The following CNTN4 variants were observed in gnomAD, a reference collection of about 807,000 sequenced individuals.
CNTN4 encodes the protein contactin 4.
A neutral mutation model predicts 122.5 loss-of-function variants in CNTN4; 77 were observed. That is an observed-to-expected ratio of 0.63 (90% confidence interval 0.52 to 0.76). The LOEUF is 0.76. Among genes scored for constraint, CNTN4 ranks in the 30% least tolerant of loss-of-function variants. The probability of loss-of-function intolerance (pLI) is 0.00; values close to 1 mark genes in which losing one functional copy is unlikely to be tolerated. For missense variants in CNTN4, 1,256 were observed against 1,259.1 expected, an observed-to-expected ratio of 1.00 and a Z score of 0.04; for synonymous variants, 512 against 447.0, an observed-to-expected ratio of 1.15 and a Z score of -1.83.
chr3:3,009,559 G>C (rs929453336), intron 14 of CNTN4, among the ~76,000 whole-genome samples: 1 of 148,630 alleles, frequency 6.7e-6, no homozygotes, highest in South Asian at 2.2e-4. Context: ...TCAGCTTCCC[G>C]AGTAGCTGGG....
rs543462678 is a variant in CNTN4, at chr3:3,057,171, A to G, written c.*951A>G. 4.6e-5 allele frequency: 7 copies of G among 152,642 alleles called. No individual in the cohort carries two copies. In the South Asian group the frequency reaches 1.4e-3, roughly 32 times the overall value. 9.5% of individuals were successfully genotyped at this position (152,642 alleles called of 1,614,324 possible). ...AAAAAAAGTAATTCTCTGTCAATGG[A>G]TTCGTAATTTCTTTACAAAATTTCT... On this transcript the variant is annotated 3_prime_UTR_variant, in exon 25 of 25. Transcript: ENST00000418658.
intron 2 of CNTN4, among the ~76,000 whole-genome samples, chr3:2,213,598 A>C (rs2038713029): frequency 6.6e-6 from 1 of 152,196 alleles, no homozygotes; most frequent in Admixed American, 6.5e-5. Context: ...CAAATGTAGC[A>C]TATGCAGAGT....
chr3:2,407,281 A>T (rs540081665), intron 3 of CNTN4, among the ~76,000 whole-genome samples: 1 of 152,306 alleles, frequency 6.6e-6, no homozygotes, highest in Non-Finnish European at 1.5e-5. Flanking sequence ...GAGGGAAAAA[A>T]TTGAGATTAA....
In CNTN4 at chr3:2,903,474, T is replaced by C. The variant is rs1201503663; in HGVS notation, c.1207+469T>C. Among the ~76,000 whole-genome samples, 9 of 152,122 alleles carry C rather than the reference T, an allele frequency of 5.9e-5. No homozygotes were observed. In the South Asian group the frequency reaches 1.9e-3, roughly 32 times the overall value. ...ACTACATGTTTGATCGTGTGCCACT[T>C]CCTCCCTCCTCTTCAGCTGCATTGA... On this transcript the variant is annotated intron_variant, in intron 12 of 24. Transcript: ENST00000418658.
At chr3:2,714,185 CACA>C (rs1252745911) in intron 4 of CNTN4, among the ~76,000 whole-genome samples, 5 of 151,964 alleles carry the variant, frequency 3.3e-5, no homozygotes, top group African/African-American at 1.2e-4. Context: ...CTCTAAATTT[CACA>C]ACAATTTTTT....
intron 2 of CNTN4, among the ~76,000 whole-genome samples, chr3:2,330,582 A>G (rs2043676980): frequency 6.9e-6 from 1 of 144,472 alleles, no homozygotes; most frequent in Non-Finnish European, 1.5e-5. Flanking sequence ...TCACAGAGGA[A>G]AAGAGGGTCA....
At chr3:2,911,146 G>C (rs2094294841) in intron 12 of CNTN4, among the ~76,000 whole-genome samples, 1 of 152,044 alleles carries the variant, frequency 6.6e-6, no homozygotes, top group Non-Finnish European at 1.5e-5. Flanking sequence ...CGTTTTGCCT[G>C]AATCTAAGTG....
Position 2,727,972 on chromosome 3 carries a change from C to T in CNTN4, c.56-8243C>T, listed in dbSNP as rs573052002. Among the ~76,000 whole-genome samples the T allele has an allele frequency of 9.2e-5, 14 of 152,336 alleles. No homozygotes were observed. The South Asian group carries it at 2.3e-3, about 25-fold the overall frequency. ...CTCTAATATTTGCTTTGCCTCTGCTCTATTCAGCTGAACAACCAAATAGAA... is the reference window on the plus strand; with the variant it reads ...CTCTAATATTTGCTTTGCCTCTGCTTTATTCAGCTGAACAACCAAATAGAA... On this transcript the variant is annotated intron_variant, in intron 4 of 24. Transcript: ENST00000418658.
chr3:2,445,956 C>G (rs892083883), intron 3 of CNTN4, among the ~76,000 whole-genome samples: 3 of 152,072 alleles, frequency 2.0e-5, no homozygotes, highest in African/African-American at 4.8e-5. Flanking sequence ...GTGACTACAT[C>G]CTATTCTTTT....
At chr3:2,698,666 C>A (rs2086182977) in intron 4 of CNTN4, among the ~76,000 whole-genome samples, 1 of 152,140 alleles carries the variant, frequency 6.6e-6, no homozygotes, top group Non-Finnish European at 1.5e-5. Flanking sequence ...GGCCTCATAT[C>A]TATTTCATCA....
intron 4 of CNTN4, among the ~76,000 whole-genome samples, chr3:2,602,702 C>G (rs2081097622): frequency 6.6e-6 from 1 of 152,180 alleles, no homozygotes; most frequent in Admixed American, 6.5e-5. Context: ...CCCCATCAAG[C>G]TACCAATGGT....
intron 4 of CNTN4, among the ~76,000 whole-genome samples, chr3:2,679,784 A>G (rs1255413587): frequency 1.3e-5 from 2 of 152,128 alleles, no homozygotes; most frequent in East Asian, 1.9e-4. Flanking sequence ...CCACAACTAT[A>G]TATTGCATAC....
At chr3:2,106,611 A>C (rs142695643) in intron 2 of CNTN4, among the ~76,000 whole-genome samples, 15 of 152,302 alleles carry the variant, frequency 9.8e-5, no homozygotes, top group Non-Finnish European at 1.6e-4. Flanking sequence ...CACAGCAGGG[A>C]GCCCAGTGCC....
At chr3:2,517,062 G>A (rs2077060107) in intron 3 of CNTN4, among the ~76,000 whole-genome samples, 1 of 152,046 alleles carries the variant, frequency 6.6e-6, no homozygotes, top group African/African-American at 2.4e-5. Context: ...AAGGACATTG[G>A]GACTAATTCA....
At chr3:2,281,776 C>G (rs1403355260) in intron 2 of CNTN4, among the ~76,000 whole-genome samples, 2 of 152,004 alleles carry the variant, frequency 1.3e-5, no homozygotes, top group Middle Eastern at 6.8e-3. Context: ...ATTAATTTGT[C>G]GAATTGTGTT....
intron 7 of CNTN4, among the ~76,000 whole-genome samples, chr3:2,838,274 G>C (rs1275886556): frequency 6.6e-6 from 1 of 152,140 alleles, no homozygotes; most frequent in Non-Finnish European, 1.5e-5. Context: ...AACTGGGTAA[G>C]ACTAAAATTA....
chr3:2,309,481 C>T (rs1338924426), intron 2 of CNTN4, among the ~76,000 whole-genome samples: 1 of 152,036 alleles, frequency 6.6e-6, no homozygotes, highest in Non-Finnish European at 1.5e-5. Flanking sequence ...AATATTGATG[C>T]CTGTGTTTCC....
At chr3:2,380,334 C>G (rs1295137709) in intron 3 of CNTN4, among the ~76,000 whole-genome samples, 1 of 152,114 alleles carries the variant, frequency 6.6e-6, no homozygotes, top group Non-Finnish European at 1.5e-5. Flanking sequence ...ATCTGTTTTT[C>G]TCTTTTGATT....
rs999570314 is a variant in CNTN4 at position 2,983,010 on chromosome 3, C to T, written c.1359-5335C>T. 9.9e-5 allele frequency among the ~76,000 whole-genome samples: 15 copies of T among 151,596 alleles called. No homozygotes were observed. The South Asian group carries it at 2.3e-3, about 23-fold the overall frequency. ...CGGGCGGATCACGAGGTCAGGAGAT[C>T]GAGACCATCCTGGCGAACACGGTGA... On this transcript the variant is annotated intron_variant, in intron 13 of 24. Transcript: ENST00000418658.
Sources: allele counts gnomAD v4.1 joint callset (sites outside exome capture counted in the v4.1 genomes callset), GRCh38; gene constraint gnomAD v4.1.1; transcripts MANE v1.5; gene names NCBI Gene and HGNC (gene_info 2026-07-23, HGNC 2026-07-21).